The following FBN3 variants were observed in gnomAD, a reference collection of about 807,000 sequenced individuals.
FBN3 encodes the protein fibrillin-3.
In FBN3, 234 loss-of-function variants were observed where a neutral mutation model predicts 330.1. The ratio of observed to expected loss-of-function variants is 0.71; its 90% CI spans 0.64 to 0.79. The LOEUF (loss-of-function observed/expected upper bound fraction) is 0.79, where lower values mean the gene tolerates loss of function less well. FBN3 is among the 30% of genes least tolerant of loss of function. FBN3 has a pLI of 0.00. For synonymous variants in FBN3, 1,458 were observed against 1,517.3 expected (o/e 0.96, Z 0.91); for missense variants, 3,606 against 3,886.9 (o/e 0.93, Z 1.92).
chr19:8,147,928 T>G (rs2083589110), intron 1 of FBN3, among the ~76,000 whole-genome samples: 1 of 150,236 alleles, frequency 6.7e-6, no homozygotes, highest in Non-Finnish European at 1.5e-5. Flanking sequence ...GGCAGCAGGG[T>G]CCCGGGGGGG....
chr19:8,103,655 A>T lies in FBN3; in HGVS notation c.4846T>A (p.Cys1616Ser). 6.2e-7 allele frequency: 1 copy of T among 1,613,668 alleles called. No individual in the cohort carries two copies. Among genetic ancestry groups the T allele is most frequent in the Non-Finnish European group, 8.5e-7 (1 of 1,179,690 alleles). The change falls in exon 39 of 64, where the codon TGT (cysteine) becomes AGT (serine). Residue 1616 changes from cysteine to serine, a missense_variant. Transcript: ENST00000600128. ...GTGTTGTAGCAGGTGCCAGGGCCAC[A>T]GATGCCGGAGTGTGTGGAGCATTCG... Reference protein sequence around the residue: ...IDECSTHSGICGPGTCYNTLG... With the variant: ...IDECSTHSGISGPGTCYNTLG...
In FBN3 at chr19:8,085,589, A is replaced by G; in HGVS notation, c.6881-20T>C. The G allele has an allele frequency of 6.6e-7, 1 of 1,518,776 alleles. No individual in the cohort carries two copies. The highest frequency in any genetic ancestry group is 1.4e-5 in the African/African-American group (1 of 72,440). 94.1% of individuals were successfully genotyped at this position (1,518,776 alleles called of 1,614,324 possible). On this transcript the variant is annotated intron_variant, in intron 55 of 63. Coordinates refer to ENST00000600128, the MANE Select transcript of FBN3 (RefSeq NM_032447.5). ...GGATGTCTGCAGAGAACAATGGGAA[A>G]GACAACGGTCACTCCAGGAGGCTGG...
In FBN3 at chr19:8,103,813, A is replaced by G. The variant is rs2082381395; in HGVS notation, c.4814-126T>C. On this transcript the variant is annotated intron_variant, in intron 38 of 63. Coordinates refer to ENST00000600128, the MANE Select transcript of FBN3 (RefSeq NM_032447.5). ...CTAAGTTTGGTTTCAAAATCAGTTT[A>G]AAACGCACACACATCTTAGTGATGA... is the stretch of plus-strand genomic sequence containing the variant. The G allele has an allele frequency of 4.8e-6, 4 of 825,510 alleles. No homozygotes were observed. The South Asian group carries it at 6.9e-5, about 14-fold the overall frequency. 51.1% of individuals were successfully genotyped at this position (825,510 alleles called of 1,614,324 possible). A position where few individuals can be genotyped will look rare whatever the true frequency, so the allele number is the denominator to read the frequency against.
chr19:8,085,283 G>A, intron 56 of FBN3, 80 bp downstream of exon 56: 1 of 1,175,262 alleles, frequency 8.5e-7, no homozygotes, highest in South Asian at 1.4e-5. Context: ...TCCAGCACCT[G>A]CTGCAGTACA....
At position 8,139,754 on chromosome 19, in the gene FBN3, C is replaced by T. The variant is rs148476948; in HGVS notation, c.866-1190G>A. Among the ~76,000 whole-genome samples the T allele has an allele frequency of 3.9e-3, 585 of 151,924 alleles. 3 individuals are homozygous for T. The highest frequency in any genetic ancestry group is 0.013 in the African/African-American group (550 of 41,442). ...CCTCAAGGTCAATGGCTTTATGCAG[C>T]GATCAGATTTCTCAGGCTCTGGCTT... On this transcript the variant is annotated intron_variant, in intron 8 of 63. Coordinates refer to ENST00000600128, the MANE Select transcript of FBN3 (RefSeq NM_032447.5).
rs990633728 is a variant in FBN3 at position 8,113,944 on chromosome 19, T to C, written c.3838+1571A>G. On this transcript the variant is annotated intron_variant, in intron 30 of 63. Coordinates refer to ENST00000600128, the MANE Select transcript of FBN3 (RefSeq NM_032447.5). Reference sequence around the variant, plus strand: ...AGGTGGAGGCTGCAGTGAGCTATGATTGTGTCACTGCACTCCAGCCTGGGA... The same window carrying C: ...AGGTGGAGGCTGCAGTGAGCTATGACTGTGTCACTGCACTCCAGCCTGGGA... 6.6e-4 allele frequency among the ~76,000 whole-genome samples: 100 copies of C among 151,636 alleles called. 1 individual carries two copies. Among genetic ancestry groups the C allele is most frequent in the Admixed American group, 6.4e-3 (98 of 15,220 alleles).
In FBN3 at chr19:8,121,939, G is replaced by A. The variant is rs989492815; in HGVS notation, c.3083-553C>T. 2.6e-5 allele frequency among the ~76,000 whole-genome samples: 4 copies of A among 151,784 alleles called. No homozygotes were observed. The highest frequency in any genetic ancestry group is 9.7e-5 in the African/African-American group (4 of 41,306). The stretch of plus-strand genomic sequence containing the variant: ...TAATTTTGTATTTTTAGTAGAGATG[G>A]TGTTTCGCCATGTTGGCCAGGCTGG... On this transcript the variant is annotated intron_variant, in intron 24 of 63. Coordinates refer to ENST00000600128, the MANE Select transcript of FBN3 (RefSeq NM_032447.5). The surrounding 1 kb of genome is among the most constrained non-coding windows in gnomAD (Gnocchi z 4.5).
In FBN3 at chr19:8,094,429, T is replaced by C. The variant is rs770089120; in HGVS notation, c.5905+17A>G. On this transcript the variant is annotated intron_variant, in intron 47 of 63. Coordinates refer to ENST00000600128, the MANE Select transcript of FBN3 (RefSeq NM_032447.5). ...CACTCCCTGGCGCCAGAAACGGGAG[T>C]GGGGCTGGACACTCACCAATGCAGT... 2 of 1,589,278 alleles carry C rather than the reference T, an allele frequency of 1.3e-6. No homozygotes were observed. The highest frequency in any genetic ancestry group is 1.7e-6 in the Non-Finnish European group (2 of 1,164,026).
intron 37 of FBN3, 96 bp from the exon 38 acceptor site, chr19:8,106,329 C>G: frequency 7.5e-7 from 1 of 1,325,406 alleles, no homozygotes; most frequent in Non-Finnish European, 1.1e-6. Flanking sequence ...AGGGCCCTCT[C>G]GAGGATCCCC....
chr19:8,081,811 C>T (rs376696365), intron 57 of FBN3, among the ~76,000 whole-genome samples: 1 of 151,938 alleles, frequency 6.6e-6, no homozygotes, highest in Non-Finnish European at 1.5e-5. Flanking sequence ...GTTTTCTTCC[C>T]GCTGACTTAG....
rs1454910902 is a variant in FBN3, at chr19:8,126,788, G to A, written c.2341C>T (p.Arg781Trp). The A allele has an allele frequency of 2.5e-6, 4 of 1,590,310 alleles. No homozygotes were observed. Among genetic ancestry groups the A allele is most frequent in the African/African-American group, 1.4e-5 (1 of 73,932 alleles). ...CAGGTGTAGGAGCCGGCCAGGTTCC[G>A]ACAGACGCCACTCACACACGGGCTG... ...LSSPCVSGVC[R>W]NLAGSYTCKC... The change falls in exon 19 of 64, where the codon CGG (arginine) becomes TGG (tryptophan). Residue 781 changes from arginine to tryptophan, a missense_variant. By Grantham distance (101) the Arg-to-Trp change is moderately radical. Coordinates refer to ENST00000600128, the MANE Select transcript of FBN3 (RefSeq NM_032447.5).
chr19:8,115,455 A>G (rs2082684367), intron 30 of FBN3, 60 bp downstream of exon 30: 4 of 1,589,582 alleles, frequency 2.5e-6, no homozygotes, highest in Admixed American at 3.4e-5. Context: ...AACAGACCCC[A>G]TGATTCCCAA....
chr19:8,116,453 T>C (rs1402627820), intron 29 of FBN3, among the ~76,000 whole-genome samples: 5 of 152,220 alleles, frequency 3.3e-5, no homozygotes, highest in East Asian at 3.8e-4. Context: ...GCTTCTGTTA[T>C]ATAAATGGGA....
chr19:8,067,169 A>G (rs1359185283), intron 63 of FBN3, among the ~76,000 whole-genome samples: 1 of 138,058 alleles, frequency 7.2e-6, no homozygotes, highest in Non-Finnish European at 1.5e-5. Context: ...GCTGTCGCCC[A>G]GGCTGGAGTG....
At chr19:8,118,179 C>T (rs1568421018) in intron 26 of FBN3, among the ~76,000 whole-genome samples, 1 of 151,980 alleles carries the variant, frequency 6.6e-6, no homozygotes, top group Non-Finnish European at 1.5e-5. Flanking sequence ...CCACACAGAC[C>T]CACTCAAACA....
At position 8,123,827 on chromosome 19, in the gene FBN3, G is replaced by A; in HGVS notation, c.2913C>T (p.Gly971=). ...EFASLCPRGL[G]FASRDFLSGR... The stretch of plus-strand genomic sequence containing the variant: ...CAGACAGGAAGTCCCGGCTGGCGAA[G>A]CCCAGCCCCCGCGGGCACAGGCTGG... Residue 971 remains glycine, a synonymous_variant, in exon 23 of 64, where the codon GGC becomes GGT. Transcript: ENST00000600128. The A allele has an allele frequency of 1.9e-6, 3 of 1,612,962 alleles. No homozygotes were observed. The highest frequency in any genetic ancestry group is 2.5e-6 in the Non-Finnish European group (3 of 1,179,908).
intron 63 of FBN3, among the ~76,000 whole-genome samples, chr19:8,068,288 G>T (rs1239407326): frequency 6.6e-6 from 1 of 151,864 alleles, no homozygotes; most frequent in Non-Finnish European, 1.5e-5. Flanking sequence ...CTACTCCAGA[G>T]GCTGAGCCAG....
rs73005538 is a variant in FBN3, at chr19:8,081,129, G to A, written c.7337-10C>T. On this transcript the variant is annotated splice_polypyrimidine_tract_variant and intron_variant, in intron 58 of 63. Coordinates refer to ENST00000600128, the MANE Select transcript of FBN3 (RefSeq NM_032447.5). ...GTGCATTCGTCCAGGTCTGCAGCACGGATGGTCCAGCAGGCTCAGGGCAGG... is the reference window on the plus strand; with the variant it reads ...GTGCATTCGTCCAGGTCTGCAGCACAGATGGTCCAGCAGGCTCAGGGCAGG... 0.019 allele frequency: 29,868 copies of A among 1,608,636 alleles called. 386 individuals are homozygous for A. The highest frequency in any genetic ancestry group is 0.035 in the South Asian group (3,219 of 90,974).
intron 52 of FBN3, 34 bp from the exon 53 acceptor site, chr19:8,087,981 G>A (rs372280549): frequency 6.2e-7 from 1 of 1,614,064 alleles, no homozygotes; most frequent in East Asian, 2.2e-5. Flanking sequence ...AGCTGGGTAG[G>A]GACTGAGGGC....
Sources: allele counts gnomAD v4.1 joint callset (sites outside exome capture counted in the v4.1 genomes callset), GRCh38; gene constraint gnomAD v4.1.1; non-coding constraint Gnocchi (gnomAD v3.1); transcripts MANE v1.5; gene names NCBI Gene and HGNC (gene_info 2026-07-23, HGNC 2026-07-21).